Variants in NRXN1 observed in about 807,000 individuals in gnomAD.
The protein encoded by NRXN1 is neurexin-1.
NRXN1 carries 39 observed loss-of-function variants against 150.9 expected under a neutral mutation model. That is an observed-to-expected ratio of 0.26 (90% CI 0.20 to 0.34). The LOEUF (loss-of-function observed/expected upper bound fraction) is 0.34, where lower values mean the gene tolerates loss of function less well. Ranked by LOEUF, NRXN1 falls within the 10% of genes least tolerant of loss-of-function variation. The pLI is 1.00. For missense variants in NRXN1, 1,815 were observed against 1,949.9 expected, an observed-to-expected ratio of 0.93 and a Z score of 1.30; for synonymous variants, 924 against 757.0, an observed-to-expected ratio of 1.22 and a Z score of -3.62.
At chr2:50,709,783 T>C (rs971781552) in intron 5 of NRXN1, among the ~76,000 whole-genome samples, 2 of 152,170 alleles carry the variant, frequency 1.3e-5, no homozygotes, top group East Asian at 1.9e-4. Context: ...AAGTCTAAAA[T>C]GTTAGAACTT....
chr2:50,121,739 A>G (rs927525756), intron 18 of NRXN1, among the ~76,000 whole-genome samples: 20 of 152,154 alleles, frequency 1.3e-4, no homozygotes, highest in African/African-American at 4.6e-4. Context: ...ACATCCTAGT[A>G]TTTTGTTATT....
At chr2:50,782,745 T>C (rs1704526719) in intron 5 of NRXN1, among the ~76,000 whole-genome samples, 1 of 152,172 alleles carries the variant, frequency 6.6e-6, no homozygotes, top group South Asian at 2.1e-4. Flanking sequence ...AATGTAATCA[T>C]TATTTCTGGG....
At chr2:50,499,423 T>C (rs964739359) in intron 13 of NRXN1, among the ~76,000 whole-genome samples, 2 of 152,124 alleles carry the variant, frequency 1.3e-5, no homozygotes, top group Admixed American at 1.3e-4. Context: ...GCCTCCTGAT[T>C]GTCTATCTGA....
At chr2:50,497,219 G>C (rs1291733510) in intron 14 of NRXN1, 114 bp downstream of exon 14, 1 of 689,060 alleles carries the variant, frequency 1.5e-6, no homozygotes, top group African/African-American at 1.8e-5. Flanking sequence ...TCCTCCACCT[G>C]CTCCGGCCCA....
Position 50,055,036 on chromosome 2 carries a change from CATT to C in NRXN1, c.3724_3726del (p.Asn1242del). ...CTAGCAATCGCCAGGCGCTCGTTAT[CATT>C]GTTTCCTTTAAAGTTTAAAGAGACA... On this transcript the variant is annotated inframe_deletion, in exon 20 of 23. Transcript: ENST00000401669. The C allele has an allele frequency of 6.3e-7, 1 of 1,595,956 alleles. No homozygotes were observed. The highest frequency in any genetic ancestry group is 8.5e-7 in the Non-Finnish European group (1 of 1,172,322).
intron 5 of NRXN1, among the ~76,000 whole-genome samples, chr2:50,862,704 C>T (rs1347646350): frequency 6.6e-6 from 1 of 152,038 alleles, no homozygotes; most frequent in African/African-American, 2.4e-5. Context: ...TAATGCTAGG[C>T]ACTTTACATA....
intron 5 of NRXN1, among the ~76,000 whole-genome samples, chr2:50,826,231 T>G (rs1670429708): frequency 6.6e-6 from 1 of 152,138 alleles, no homozygotes; most frequent in Admixed American, 6.5e-5. Context: ...GCATCTGAGC[T>G]GAGAGTGAAA....
chr2:50,356,657 C>T (rs766285628), intron 17 of NRXN1, among the ~76,000 whole-genome samples: 4 of 152,066 alleles, frequency 2.6e-5, no homozygotes, highest in Non-Finnish European at 4.4e-5. Context: ...AAACATTATG[C>T]CTGCAAAGCA....
chr2:50,189,020 T>A (rs1234907852), intron 18 of NRXN1, among the ~76,000 whole-genome samples: 1 of 152,214 alleles, frequency 6.6e-6, no homozygotes, highest in African/African-American at 2.4e-5. Flanking sequence ...TTACTGGGTA[T>A]ATACCCAAAG....
intron 17 of NRXN1, among the ~76,000 whole-genome samples, chr2:50,337,085 T>C (rs1303269779): frequency 9.7e-6 from 1 of 102,850 alleles, no homozygotes; most frequent in Non-Finnish European, 2.0e-5. Context: ...TTCTTTTTCT[T>C]TTTTTTTTTT....
chr2:50,536,645 T>A (rs908898361), intron 10 of NRXN1, among the ~76,000 whole-genome samples: 2 of 152,216 alleles, frequency 1.3e-5, no homozygotes, highest in African/African-American at 4.8e-5. Flanking sequence ...GGCAGCTCTC[T>A]GGGTGATTAA....
At chr2:51,015,786 T>G (rs2105232984) in intron 2 of NRXN1, among the ~76,000 whole-genome samples, 1 of 152,148 alleles carries the variant, frequency 6.6e-6, no homozygotes, top group African/African-American at 2.4e-5. Context: ...AATGAATGTC[T>G]AATATATTAT....
At chr2:50,260,507 C>T (rs2068143984) in intron 17 of NRXN1, among the ~76,000 whole-genome samples, 1 of 151,530 alleles carries the variant, frequency 6.6e-6, no homozygotes. Flanking sequence ...GGAATACAAC[C>T]ACACTCCTCA....
chr2:50,617,817 A>G (rs137863471), intron 8 of NRXN1, among the ~76,000 whole-genome samples: 20 of 152,330 alleles, frequency 1.3e-4, no homozygotes, highest in African/African-American at 4.6e-4. Flanking sequence ...ATCTTTATTT[A>G]TCAATTCATA....
chr2:50,352,212 CA>C (rs1261926947), intron 17 of NRXN1, among the ~76,000 whole-genome samples: 1 of 151,868 alleles, frequency 6.6e-6, no homozygotes, highest in Admixed American at 6.6e-5. Context: ...GAGGAAAACA[CA>C]AAAGAAATAG....
At chr2:50,253,682 G>A (rs909164786) in intron 17 of NRXN1, among the ~76,000 whole-genome samples, 8 of 152,104 alleles carry the variant, frequency 5.3e-5, no homozygotes, top group African/African-American at 1.9e-4. Flanking sequence ...CATAGTTTTT[G>A]TCTTTAGTTC....
At position 50,471,984 on chromosome 2, in the gene NRXN1, C is replaced by A. The variant is rs116265570; in HGVS notation, c.3244+314G>T. ...ATGCTATAAAGCAAGCATCGTAGAACTGATTAACAAACTAATCAAATGTAC... is the reference window on the plus strand; with the variant it reads ...ATGCTATAAAGCAAGCATCGTAGAAATGATTAACAAACTAATCAAATGTAC... On this transcript the variant is annotated intron_variant, in intron 16 of 22. Coordinates refer to ENST00000401669, the MANE Select transcript of NRXN1 (RefSeq NM_001330078.2). 7.9e-3 allele frequency among the ~76,000 whole-genome samples: 1,199 copies of A among 151,656 alleles called. 21 individuals are homozygous for A. The highest frequency in any genetic ancestry group is 0.028 in the African/African-American group (1,141 of 41,354).
chr2:50,468,791 G>A (rs1421131725), intron 16 of NRXN1, among the ~76,000 whole-genome samples: 1 of 151,288 alleles, frequency 6.6e-6, no homozygotes, highest in Non-Finnish European at 1.5e-5. Flanking sequence ...TTAAAAAAAG[G>A]CAATGATACC....
chr2:50,888,384 T>C (rs551080690), intron 5 of NRXN1, among the ~76,000 whole-genome samples: 2 of 151,650 alleles, frequency 1.3e-5, no homozygotes, highest in South Asian at 4.1e-4. Flanking sequence ...AAGGGTCTTA[T>C]GCCACAGCCA....
Sources: gnomAD v4.1 joint callset for allele counts (sites outside exome capture counted in the v4.1 genomes callset) on GRCh38, gnomAD v4.1.1 for gene constraint, MANE v1.5 for transcripts, NCBI Gene and HGNC (gene_info 2026-07-23, HGNC 2026-07-21) for gene names.